CNIH3: variants seen among roughly 807,000 people sequenced by gnomAD.
CNIH3 encodes protein cornichon homolog 3.
CNIH3 carries 14 observed loss-of-function variants against 24.1 expected under a neutral mutation model. The ratio of observed to expected loss-of-function variants is 0.58; its 90% CI spans 0.38 to 0.91. The LOEUF is 0.91. Among genes scored for constraint, CNIH3 ranks in the 40% least tolerant of loss-of-function variants. CNIH3 has a pLI of 0.00. For missense variants in CNIH3, 178 were observed against 196.8 expected (o/e 0.90, Z 0.57); for synonymous variants, 68 against 73.8 (o/e 0.92, Z 0.40).
At chr1:224,629,020 C>G (rs551812365) in intron 1 of CNIH3, among the ~76,000 whole-genome samples, 1 of 150,474 alleles carries the variant, frequency 6.6e-6, no homozygotes, top group Admixed American at 6.6e-5. Flanking sequence ...TTCTTTTCAC[C>G]CCCCGAGACA....
chr1:224,611,845 C>T (rs1682715544), upstream of CNIH3, among the ~76,000 whole-genome samples: 1 of 152,186 alleles, frequency 6.6e-6, no homozygotes, highest in Non-Finnish European at 1.5e-5. Flanking sequence ...TACCGCCTCA[C>T]CAATTAGACT....
chr1:224,525,257 A>G (rs982841174), intron 2 of CNIH3, among the ~76,000 whole-genome samples: 2 of 152,216 alleles, frequency 1.3e-5, no homozygotes, highest in Non-Finnish European at 2.9e-5. Flanking sequence ...TGTTTTGCAT[A>G]TATTTGGTGT....
chr1:224,605,028 G>A (rs536355610), intron 3 of CNIH3, among the ~76,000 whole-genome samples: 1 of 152,318 alleles, frequency 6.6e-6, no homozygotes, highest in East Asian at 1.9e-4. Flanking sequence ...TGACTGGCTT[G>A]TGAGTAGGCA....
At chr1:224,526,333 A>G (rs55712053) in intron 2 of CNIH3, among the ~76,000 whole-genome samples, 3,650 of 152,270 alleles carry the variant, frequency 0.024, 157 homozygotes, top group African/African-American at 0.082. Flanking sequence ...CACAAGGGCA[A>G]ACTAATGAAC....
chr1:224,452,780 TC>T (rs1675474687), intron 1 of CNIH3, among the ~76,000 whole-genome samples: 1 of 57,360 alleles, frequency 1.7e-5, no homozygotes, highest in African/African-American at 7.2e-5. Flanking sequence ...AAACTCTGTC[TC>T]AAAAAAAAAA....
At chr1:224,633,940 A>G (rs1020935899) in intron 1 of CNIH3, among the ~76,000 whole-genome samples, 3 of 152,262 alleles carry the variant, frequency 2.0e-5, no homozygotes, top group African/African-American at 7.2e-5. Flanking sequence ...TCTTGGTGCC[A>G]CAGACTCTTT....
intron 3 of CNIH3, among the ~76,000 whole-genome samples, chr1:224,692,503 G>A (rs571151434): frequency 6.6e-6 from 1 of 152,326 alleles, no homozygotes; most frequent in East Asian, 1.9e-4. Flanking sequence ...AGGCAGTTGT[G>A]TGGAGTGCCG....
intron 3 of CNIH3, among the ~76,000 whole-genome samples, chr1:224,715,573 T>C (rs777809564): frequency 2.0e-5 from 3 of 152,066 alleles, no homozygotes; most frequent in Non-Finnish European, 4.4e-5. Flanking sequence ...AGAAAAAAGG[T>C]TTATTTGGCT....
At chr1:224,693,580 G>A (rs895096663) in intron 3 of CNIH3, among the ~76,000 whole-genome samples, 1 of 152,094 alleles carries the variant, frequency 6.6e-6, no homozygotes, top group Admixed American at 6.6e-5. Context: ...ATCCTCCAGC[G>A]ACCACCTGAG....
chr1:224,492,589 T>C (rs1677275775), intron 1 of CNIH3, among the ~76,000 whole-genome samples: 1 of 152,194 alleles, frequency 6.6e-6, no homozygotes, highest in Admixed American at 6.5e-5. Flanking sequence ...TACATAATCA[T>C]TATTGTTTGA....
At chr1:224,565,230 C>T (rs1360897512) in intron 3 of CNIH3, 1 of 152,256 alleles carries the variant, frequency 6.6e-6, no homozygotes, top group African/African-American at 2.4e-5. Flanking sequence ...TGCAAAAAGT[C>T]TTATAGTTAT....
Position 224,688,779 on chromosome 1 carries a change from GTCGGGC to G in CNIH3, c.198+3937_198+3942del, listed in dbSNP as rs1469622707. Reference sequence around the variant, plus strand: ...AACATGGTGAAACCCCCACAAATTAGTCGGGCGTGGTGGTGGGCGCCTGTAATCCCA... The same window carrying G: ...AACATGGTGAAACCCCCACAAATTAGGTGGTGGTGGGCGCCTGTAATCCCA... On this transcript the variant is annotated intron_variant, in intron 3 of 5. Coordinates refer to ENST00000272133, the MANE Select transcript of CNIH3 (RefSeq NM_152495.2). 2.1e-3 allele frequency among the ~76,000 whole-genome samples: 319 copies of G among 152,070 alleles called. 1 individual carries two copies. The highest frequency in any genetic ancestry group is 7.2e-3 in the African/African-American group (299 of 41,472).
chr1:224,730,441 G>C, intron 3 of CNIH3, 21 bp from the exon 4 acceptor site: 2 of 1,484,786 alleles, frequency 1.3e-6, no homozygotes, highest in South Asian at 1.2e-5. Context: ...ACTCAGGGCC[G>C]TGTCTCTGCT....
chr1:224,684,286 G>C lies in CNIH3; in HGVS notation c.151-510G>C, dbSNP rs1160991605. The stretch of plus-strand genomic sequence containing the variant: ...GGGGGCATCATTGTTGTCTAATTTA[G>C]TAGGGAGATTACTTCCTCCAAGTAG... On this transcript the variant is annotated intron_variant, in intron 2 of 5. Coordinates refer to ENST00000272133, the MANE Select transcript of CNIH3 (RefSeq NM_152495.2). This position sits in a 1 kb window ranked among gnomAD's most constrained non-coding sequence, Gnocchi z 4.2. Among the ~76,000 whole-genome samples, 3 of 152,220 alleles carry C rather than the reference G, an allele frequency of 2.0e-5. No homozygotes were observed. The highest frequency in any genetic ancestry group is 7.2e-5 in the African/African-American group (3 of 41,454).
At chr1:224,532,695 CTT>C (rs1679122060) in intron 2 of CNIH3, among the ~76,000 whole-genome samples, 1 of 152,214 alleles carries the variant, frequency 6.6e-6, no homozygotes, top group Admixed American at 6.5e-5. Flanking sequence ...TTTTCAAGAC[CTT>C]TTAAATGATC....
intron 3 of CNIH3, among the ~76,000 whole-genome samples, chr1:224,706,731 A>G (rs990649580): frequency 1.3e-5 from 2 of 152,160 alleles, no homozygotes; most frequent in Non-Finnish European, 2.9e-5. Flanking sequence ...ACCTGCCTCA[A>G]TGCCACAAAG....
chr1:224,738,441 T>C (rs1689705951), intron 5 of CNIH3, among the ~76,000 whole-genome samples: 1 of 152,146 alleles, frequency 6.6e-6, no homozygotes, highest in Admixed American at 6.5e-5. Flanking sequence ...ACATGAGGTG[T>C]GTGAGGTTCC....
intron 1 of CNIH3, among the ~76,000 whole-genome samples, chr1:224,678,158 T>C (rs1686226994): frequency 6.6e-6 from 1 of 152,188 alleles, no homozygotes; most frequent in Non-Finnish European, 1.5e-5. Context: ...CAGTAGACCA[T>C]ATTGAATAGG....
intron 5 of CNIH3, among the ~76,000 whole-genome samples, chr1:224,586,113 CT>C (rs1173497508): frequency 6.6e-6 from 1 of 152,180 alleles, no homozygotes; most frequent in East Asian, 1.9e-4. Flanking sequence ...TGTGAATGAT[CT>C]GGTTCTCCCC....
Sources: gnomAD v4.1 joint callset for allele counts (sites outside exome capture counted in the v4.1 genomes callset) on GRCh38, gnomAD v4.1.1 for gene constraint, Gnocchi (gnomAD v3.1) non-coding constraint, MANE v1.5 for transcripts, NCBI Gene and HGNC (gene_info 2026-07-23, HGNC 2026-07-21) for gene names.